The following NYAP2 variants were observed in gnomAD, a reference collection of about 807,000 sequenced individuals.
The protein encoded by NYAP2 is neuronal tyrosine-phosphorylated phosphoinositide-3-kinase adaptor 2.
A neutral mutation model predicts 50.4 loss-of-function variants in NYAP2; 23 were observed. The ratio of observed to expected loss-of-function variants is 0.46; its 90% CI spans 0.33 to 0.65. The LOEUF (loss-of-function observed/expected upper bound fraction) is 0.65. Ranked by LOEUF, NYAP2 falls within the 30% of genes least tolerant of loss-of-function variation. The pLI is 0.02. For synonymous variants in NYAP2, 394 were observed against 365.2 expected, an observed-to-expected ratio of 1.08 and a Z score of -0.90; for missense variants, 885 against 861.0, an observed-to-expected ratio of 1.03 and a Z score of -0.35.
chr2:225,401,665 G>A (rs1694864601), intron 2 of NYAP2, among the ~76,000 whole-genome samples: 1 of 151,904 alleles, frequency 6.6e-6, no homozygotes, highest in Non-Finnish European at 1.5e-5. Flanking sequence ...TTTTACTTGG[G>A]ACATGTTCTT....
intron 5 of NYAP2, among the ~76,000 whole-genome samples, chr2:225,612,678 G>A (rs1559229833): frequency 6.6e-6 from 1 of 151,848 alleles, no homozygotes; most frequent in Non-Finnish European, 1.5e-5. Flanking sequence ...TCCTCACATG[G>A]CAGACAGAGA....
the NYAP2 span, among the ~76,000 whole-genome samples, chr2:225,664,087 C>T: frequency 6.6e-6 from 1 of 152,112 alleles, no homozygotes; most frequent in Non-Finnish European, 1.5e-5. Flanking sequence ...CTTATTTTTG[C>T]ATCAGAGAGG....
At chr2:225,566,275 G>A (rs992535997) in intron 4 of NYAP2, among the ~76,000 whole-genome samples, 5 of 152,136 alleles carry the variant, frequency 3.3e-5, no homozygotes, top group African/African-American at 1.2e-4. Context: ...AATGAAGTTG[G>A]ATGAAATGTT....
At chr2:225,519,519 G>A (rs1349015657) in intron 4 of NYAP2, among the ~76,000 whole-genome samples, 9 of 148,380 alleles carry the variant, frequency 6.1e-5, no homozygotes, top group African/African-American at 2.2e-4. Context: ...AGAATATGCA[G>A]TGTTTGGTTT....
intron 3 of NYAP2, among the ~76,000 whole-genome samples, chr2:225,477,862 G>C (rs1387514351): frequency 2.6e-5 from 4 of 152,102 alleles, no homozygotes; most frequent in African/African-American, 9.7e-5. Flanking sequence ...ACATTCTGTA[G>C]AGAAAACAGG....
intron 5 of NYAP2, among the ~76,000 whole-genome samples, chr2:225,606,725 CT>C (rs1207499866): frequency 6.6e-6 from 1 of 152,222 alleles, no homozygotes; most frequent in East Asian, 1.9e-4. Context: ...AATTGGTCTA[CT>C]TTCTTGCCAT....
chr2:225,628,358 G>T (rs865993149), intron 6 of NYAP2, among the ~76,000 whole-genome samples: 5 of 99,622 alleles, frequency 5.0e-5, no homozygotes, highest in African/African-American at 1.6e-4. Context: ...TTTCACTCTT[G>T]TTGCCCAGGC....
At chr2:225,518,358 G>A (rs1690972812) in intron 4 of NYAP2, among the ~76,000 whole-genome samples, 1 of 150,996 alleles carries the variant, frequency 6.6e-6, no homozygotes, top group South Asian at 2.1e-4. Context: ...TAGGGCAGGA[G>A]TGGGTGAAAG....
chr2:225,557,482 T>C (rs765851971), intron 4 of NYAP2, among the ~76,000 whole-genome samples: 1 of 152,160 alleles, frequency 6.6e-6, no homozygotes, highest in Non-Finnish European at 1.5e-5. Flanking sequence ...AGAATGGAGC[T>C]TATGTTTTAG....
chr2:225,568,948 A>T (rs549674519), intron 4 of NYAP2, among the ~76,000 whole-genome samples: 1 of 152,328 alleles, frequency 6.6e-6, no homozygotes, highest in East Asian at 1.9e-4. Context: ...GAAAAGGCAA[A>T]CAAACTTTAT....
At chr2:225,644,140 C>T (rs1365825158) in intron 6 of NYAP2, among the ~76,000 whole-genome samples, 1 of 152,062 alleles carries the variant, frequency 6.6e-6, no homozygotes, top group Non-Finnish European at 1.5e-5. Context: ...GCCATTCTAA[C>T]TGGTGTGAGA....
At chr2:225,658,759 T>C (rs1290312815), downstream of NYAP2, among the ~76,000 whole-genome samples, 1 of 152,230 alleles carries the variant, frequency 6.6e-6, no homozygotes, top group Non-Finnish European at 1.5e-5. Flanking sequence ...TACTTTTAAA[T>C]AGTAGCTGAA....
intron 4 of NYAP2, among the ~76,000 whole-genome samples, chr2:225,575,930 A>G (rs1692163251): frequency 6.6e-6 from 1 of 152,172 alleles, no homozygotes; most frequent in Non-Finnish European, 1.5e-5. Context: ...CATGAAAGGT[A>G]CTTATATTTT....
chr2:225,467,559 A>ATAGAC (rs1689940715), intron 3 of NYAP2, among the ~76,000 whole-genome samples: 1 of 152,194 alleles, frequency 6.6e-6, no homozygotes, highest in Admixed American at 6.5e-5. Flanking sequence ...CCTACCTGAA[A>ATAGAC]TAGACTTCCA....
chr2:225,609,224 G>A (rs1692839194), intron 5 of NYAP2, among the ~76,000 whole-genome samples: 1 of 152,084 alleles, frequency 6.6e-6, no homozygotes. Flanking sequence ...TAATCTGAAT[G>A]AACAAACCGA....
chr2:225,634,193 T>G, intron 6 of NYAP2, among the ~76,000 whole-genome samples: 1 of 152,324 alleles, frequency 6.6e-6, no homozygotes, highest in South Asian at 2.1e-4. Context: ...AGCCTAATCC[T>G]TCATAGCACC....
rs994137834 is a variant in NYAP2 at position 225,506,854 on chromosome 2, TC to T, written c.222-6512del. On this transcript the variant is annotated intron_variant, in intron 3 of 6. Coordinates refer to ENST00000636099, the Ensembl canonical transcript of NYAP2. Reference sequence around the variant, plus strand: ...CCACCACCATTTCCCTTTCAGGTGTTCCCCCATTTAATGTATGGTTGAATGT... The same window carrying T: ...CCACCACCATTTCCCTTTCAGGTGTTCCCCATTTAATGTATGGTTGAATGT... Among the ~76,000 whole-genome samples the T allele has an allele frequency of 1.0e-3, 153 of 152,060 alleles. 2 individuals are homozygous for T. The highest frequency in any genetic ancestry group is 9.2e-3 in the Admixed American group (141 of 15,262).
At chr2:225,424,251 T>C (rs1695255282) in intron 3 of NYAP2, among the ~76,000 whole-genome samples, 1 of 152,136 alleles carries the variant, frequency 6.6e-6, no homozygotes, top group African/African-American at 2.4e-5. Context: ...TTTATCAAAT[T>C]ATTTTTCTTC....
the NYAP2 span, among the ~76,000 whole-genome samples, chr2:225,692,882 CACA>C: frequency 6.6e-6 from 1 of 151,990 alleles, no homozygotes; most frequent in African/African-American, 2.4e-5. Context: ...CACACACACA[CACA>C]CACACACATA....
Sources: allele counts gnomAD v4.1 joint callset (sites outside exome capture counted in the v4.1 genomes callset), GRCh38; gene constraint gnomAD v4.1.1; transcripts MANE v1.5; gene names NCBI Gene and HGNC (gene_info 2026-07-23, HGNC 2026-07-21).